The following SCP2 variants were observed in gnomAD, a reference collection of about 807,000 sequenced individuals.
SCP2 encodes the protein SCP-2/3-oxoacyl-CoA thiolase.
In SCP2, 48 loss-of-function variants were observed where a neutral mutation model predicts 71.4. The observed-to-expected ratio is 0.67, with a 90% CI of 0.53 to 0.86. The LOEUF is 0.86. SCP2 is among the 40% of genes least tolerant of loss of function. The probability of loss-of-function intolerance (pLI) is 0.00; values close to 1 mark genes in which losing one functional copy is unlikely to be tolerated. For missense variants in SCP2, 560 were observed against 655.6 expected (o/e 0.85, Z 1.59); for synonymous variants, 220 against 218.1 (o/e 1.01, Z -0.08).
intron 1 of SCP2, among the ~76,000 whole-genome samples, chr1:52,933,731 GGGTTCTCAAAATAC>G (rs1653386878): frequency 6.6e-6 from 1 of 152,104 alleles, no homozygotes; most frequent in Non-Finnish European, 1.5e-5. Flanking sequence ...GATCTAGCAG[GGGTTCTCAAAATAC>G]GGTTTGTGGA....
chr1:53,019,548 T>C (rs1188463335), intron 12 of SCP2, among the ~76,000 whole-genome samples: 2 of 152,202 alleles, frequency 1.3e-5, no homozygotes, highest in Non-Finnish European at 2.9e-5. Context: ...TCCTGTGCTT[T>C]CCATGCCTCA....
intron 12 of SCP2, among the ~76,000 whole-genome samples, chr1:53,027,522 A>G (rs1455578495): frequency 3.9e-5 from 6 of 152,152 alleles, no homozygotes; most frequent in Non-Finnish European, 7.4e-5. Context: ...TTCTTTGTTT[A>G]TGACGGAGTT....
intron 2 of SCP2, among the ~76,000 whole-genome samples, chr1:52,946,282 G>A (rs150397055): frequency 3.9e-5 from 6 of 152,134 alleles, no homozygotes; most frequent in Non-Finnish European, 5.9e-5. Context: ...AGGCTAGAGT[G>A]CAGTGGTGAG....
chr1:52,929,371 A>G (rs904366216), intron 1 of SCP2, among the ~76,000 whole-genome samples: 2 of 151,970 alleles, frequency 1.3e-5, no homozygotes, highest in Non-Finnish European at 2.9e-5. Flanking sequence ...TTTTTTTTGT[A>G]GAGACAGGGT....
chr1:52,963,933 A>G (rs1656714900), intron 6 of SCP2, among the ~76,000 whole-genome samples: 1 of 152,088 alleles, frequency 6.6e-6, no homozygotes, highest in African/African-American at 2.4e-5. Flanking sequence ...TCATTCCTGT[A>G]CATAGTTGAG....
At chr1:53,034,710 G>A (rs1662796710) in intron 13 of SCP2, among the ~76,000 whole-genome samples, 1 of 152,156 alleles carries the variant, frequency 6.6e-6, no homozygotes, top group South Asian at 2.1e-4. Context: ...AGTATCTAAT[G>A]TCAGTTTATG....
intron 1 of SCP2, among the ~76,000 whole-genome samples, chr1:52,933,539 C>A (rs1653365863): frequency 6.6e-6 from 1 of 152,190 alleles, no homozygotes; most frequent in Non-Finnish European, 1.5e-5. Flanking sequence ...GGAACCTACT[C>A]ATTGTCTTGA....
At chr1:53,018,046 G>C (rs952162582) in intron 12 of SCP2, among the ~76,000 whole-genome samples, 3 of 152,132 alleles carry the variant, frequency 2.0e-5, no homozygotes, top group Admixed American at 1.3e-4. Context: ...GTAAAGACAG[G>C]GTTTCACCAT....
At chr1:52,934,477 C>A (rs550711599) in intron 1 of SCP2, among the ~76,000 whole-genome samples, 48 of 150,402 alleles carry the variant, frequency 3.2e-4, no homozygotes, top group African/African-American at 1.1e-3. Flanking sequence ...ATAATCCACT[C>A]ATTTATGGAT....
intron 11 of SCP2, among the ~76,000 whole-genome samples, chr1:52,996,409 T>C (rs1659942235): frequency 6.6e-6 from 1 of 152,194 alleles, no homozygotes; most frequent in African/African-American, 2.4e-5. Flanking sequence ...AAGCGAAAGA[T>C]GGTAGAAGGT....
intron 3 of SCP2, among the ~76,000 whole-genome samples, chr1:52,949,244 C>T (rs1655082703): frequency 1.3e-5 from 2 of 152,088 alleles, no homozygotes; most frequent in Non-Finnish European, 2.9e-5. Flanking sequence ...TAAAGGGATG[C>T]AGAATATATT....
chr1:53,023,713 G>T lies in SCP2; in HGVS notation c.1236-4256G>T, dbSNP rs532464564. On this transcript the variant is annotated intron_variant, in intron 12 of 15. Coordinates refer to ENST00000371514, the MANE Select transcript of SCP2 (RefSeq NM_002979.5). ...GACCCAGGGAGCAGCAGTGGCAAAG[G>T]CATAGAAGTGTGAGGTGGCATTCTG... is the stretch of plus-strand genomic sequence containing the variant. Among the ~76,000 whole-genome samples the T allele has an allele frequency of 3.3e-5, 5 of 152,234 alleles. 1 individual carries two copies. Among genetic ancestry groups the T allele is most frequent in the African/African-American group, 1.2e-4 (5 of 41,536 alleles).
intron 1 of SCP2, among the ~76,000 whole-genome samples, chr1:52,930,976 A>T (rs1653100279): frequency 6.6e-6 from 1 of 152,228 alleles, no homozygotes; most frequent in South Asian, 2.1e-4. Context: ...AGGAATGTCT[A>T]ATCTGGAGGA....
At chr1:52,992,137 C>G (rs569082081) in intron 11 of SCP2, among the ~76,000 whole-genome samples, 119 of 152,246 alleles carry the variant, frequency 7.8e-4, no homozygotes, top group African/African-American at 2.8e-3. Flanking sequence ...ATGGGTACAA[C>G]CAAGACCAGA....
chr1:53,005,233 T>C (rs1660558361), intron 11 of SCP2, among the ~76,000 whole-genome samples: 1 of 152,202 alleles, frequency 6.6e-6, no homozygotes, highest in South Asian at 2.1e-4. Flanking sequence ...CAGAAACTTC[T>C]GCAGACTTAA....
intron 11 of SCP2, among the ~76,000 whole-genome samples, chr1:52,989,231 T>C (rs1020787110): frequency 1.3e-5 from 2 of 152,218 alleles, no homozygotes; most frequent in Admixed American, 1.3e-4. Flanking sequence ...AGTGATGTTA[T>C]GGGAAGTGGC....
At chr1:52,931,064 A>G (rs145804792) in intron 1 of SCP2, among the ~76,000 whole-genome samples, 18 of 152,364 alleles carry the variant, frequency 1.2e-4, no homozygotes, top group African/African-American at 4.3e-4. Context: ...ACATGAATTT[A>G]TCTCTGTTGG....
At chr1:53,022,113 G>T (rs1661791638) in intron 12 of SCP2, among the ~76,000 whole-genome samples, 1 of 152,236 alleles carries the variant, frequency 6.6e-6, no homozygotes, top group Non-Finnish European at 1.5e-5. Flanking sequence ...TCAAGAGAAA[G>T]TGTGTACCCA....
chr1:53,023,854 C>T (rs1661919894), intron 12 of SCP2, among the ~76,000 whole-genome samples: 2 of 152,224 alleles, frequency 1.3e-5, no homozygotes, highest in East Asian at 1.9e-4. Context: ...CCACACCCTT[C>T]CTTTCACCCT....
Sources: allele counts gnomAD v4.1 joint callset (sites outside exome capture counted in the v4.1 genomes callset), GRCh38; gene constraint gnomAD v4.1.1; transcripts MANE v1.5; gene names NCBI Gene and HGNC (gene_info 2026-07-23, HGNC 2026-07-21).